PLCB1: variants seen among roughly 807,000 people sequenced by gnomAD.
PLCB1 encodes phospholipase C beta 1, also known as 1-phosphatidylinositol 4,5-bisphosphate phosphodiesterase beta-1.
In PLCB1, 46 loss-of-function variants were observed where a neutral mutation model predicts 161.8. The ratio of observed to expected loss-of-function variants is 0.28; its 90% CI spans 0.22 to 0.36. The LOEUF (loss-of-function observed/expected upper bound fraction) is 0.36, where lower values mean the gene tolerates loss of function less well. PLCB1 is among the 10% of genes least tolerant of loss of function. The probability of loss-of-function intolerance (pLI) is 1.00; values close to 1 mark genes in which losing one functional copy is unlikely to be tolerated. For synonymous variants in PLCB1, 517 were observed against 503.7 expected (o/e 1.03, Z -0.35); for missense variants, 1,016 against 1,472.5 (o/e 0.69, Z 5.07).
chr20:8,391,131 AGATT>A (rs1568658641), intron 3 of PLCB1, among the ~76,000 whole-genome samples: 1 of 152,060 alleles, frequency 6.6e-6, no homozygotes, highest in Non-Finnish European at 1.5e-5. Context: ...GCACTAATAT[AGATT>A]GTCACTATAA....
At chr20:8,463,668 A>T (rs1407027123) in intron 3 of PLCB1, among the ~76,000 whole-genome samples, 1 of 152,158 alleles carries the variant, frequency 6.6e-6, no homozygotes, top group South Asian at 2.1e-4. Flanking sequence ...GCTTGAAATT[A>T]TATACTTCAC....
intron 2 of PLCB1, among the ~76,000 whole-genome samples, chr20:8,332,692 C>A (rs180799249): frequency 6.6e-6 from 1 of 152,186 alleles, no homozygotes; most frequent in Non-Finnish European, 1.5e-5. Flanking sequence ...CTTATAACTG[C>A]TACATTGTCC....
At chr20:8,164,831 T>C (rs992188048) in intron 2 of PLCB1, among the ~76,000 whole-genome samples, 1 of 152,220 alleles carries the variant, frequency 6.6e-6, no homozygotes, top group Non-Finnish European at 1.5e-5. Context: ...TCATTTGAGA[T>C]ACCAGATCAG....
chr20:8,222,129 T>C (rs1367528152), intron 2 of PLCB1, among the ~76,000 whole-genome samples: 1 of 152,166 alleles, frequency 6.6e-6, no homozygotes, highest in Admixed American at 6.5e-5. Flanking sequence ...AATGCTAATA[T>C]ATATTTTAAA....
At chr20:8,381,867 T>C (rs1285194791) in intron 3 of PLCB1, among the ~76,000 whole-genome samples, 1 of 152,046 alleles carries the variant, frequency 6.6e-6, no homozygotes, top group Admixed American at 6.6e-5. Flanking sequence ...GCAGTCTATC[T>C]ATTTTGTTAA....
chr20:8,311,691 G>A (rs138048726), intron 2 of PLCB1, among the ~76,000 whole-genome samples: 12 of 152,228 alleles, frequency 7.9e-5, no homozygotes, highest in Non-Finnish European at 1.5e-4. Flanking sequence ...TCATAACTCC[G>A]GAGTGATCTT....
chr20:8,804,975 T>TGG (rs1984458502), intron 31 of PLCB1, among the ~76,000 whole-genome samples: 1 of 117,698 alleles, frequency 8.5e-6, no homozygotes, highest in South Asian at 2.8e-4. Flanking sequence ...CACTCCAGCC[T>TGG]GGGCAACAAG....
intron 2 of PLCB1, among the ~76,000 whole-genome samples, chr20:8,336,807 A>C (rs1985597766): frequency 6.6e-6 from 1 of 151,996 alleles, no homozygotes; most frequent in African/African-American, 2.4e-5. Context: ...TAGGTGTTTC[A>C]TTTACTGTCT....
intron 2 of PLCB1, among the ~76,000 whole-genome samples, chr20:8,193,410 T>TA (rs912675402): frequency 5.3e-5 from 8 of 151,696 alleles, no homozygotes; most frequent in African/African-American, 2.4e-5. Context: ...AAAAAATTTT[T>TA]AAAAAAAAAG....
intron 3 of PLCB1, among the ~76,000 whole-genome samples, chr20:8,454,533 G>T (rs1461156527): frequency 1.3e-5 from 2 of 152,180 alleles, no homozygotes; most frequent in Admixed American, 6.5e-5. Flanking sequence ...AGATGAAGCT[G>T]ACTGAATTTG....
At chr20:8,478,745 T>C (rs1228038255) in intron 3 of PLCB1, among the ~76,000 whole-genome samples, 4 of 152,164 alleles carry the variant, frequency 2.6e-5, no homozygotes, top group East Asian at 1.9e-4. Flanking sequence ...TGGTGCTTTT[T>C]TGTAATTTTT....
chr20:8,634,116 G>T (rs913366808), intron 4 of PLCB1, among the ~76,000 whole-genome samples: 3 of 152,194 alleles, frequency 2.0e-5, no homozygotes, highest in Non-Finnish European at 4.4e-5. Context: ...ACTGGTCATA[G>T]ATCTTTGTGT....
chr20:8,213,106 A>G (rs989611492), intron 2 of PLCB1, among the ~76,000 whole-genome samples: 1 of 152,142 alleles, frequency 6.6e-6, no homozygotes, highest in African/African-American at 2.4e-5. Context: ...CTTGATGGTG[A>G]CAAAAAGTGT....
At chr20:8,555,327 A>T (rs1856379857) in intron 3 of PLCB1, among the ~76,000 whole-genome samples, 1 of 152,052 alleles carries the variant, frequency 6.6e-6, no homozygotes, top group African/African-American at 2.4e-5. Flanking sequence ...GGAGCTTTGA[A>T]GTGAAAGAGG....
At chr20:8,854,761 G>A (rs894086105) in intron 31 of PLCB1, among the ~76,000 whole-genome samples, 3 of 152,202 alleles carry the variant, frequency 2.0e-5, no homozygotes, top group South Asian at 4.1e-4. Flanking sequence ...CCACGCTGGC[G>A]AACGACAAAC....
intron 31 of PLCB1, among the ~76,000 whole-genome samples, chr20:8,846,435 G>T (rs905302837): frequency 6.6e-6 from 1 of 152,000 alleles, no homozygotes; most frequent in Non-Finnish European, 1.5e-5. Flanking sequence ...CTACTACTCA[G>T]GGATCCTCAA....
chr20:8,356,005 G>C (rs1986352274), intron 2 of PLCB1, among the ~76,000 whole-genome samples: 1 of 152,042 alleles, frequency 6.6e-6, no homozygotes, highest in Non-Finnish European at 1.5e-5. Context: ...CTGCAGAATA[G>C]ATATGGTATA....
intron 3 of PLCB1, among the ~76,000 whole-genome samples, chr20:8,511,646 A>G (rs897446050): frequency 3.9e-5 from 6 of 152,288 alleles, no homozygotes; most frequent in African/African-American, 1.4e-4. Flanking sequence ...CCAACTGTGT[A>G]CAGGGGTTCC....
At chr20:8,402,887 T>C (rs1978625591) in intron 3 of PLCB1, among the ~76,000 whole-genome samples, 1 of 152,070 alleles carries the variant, frequency 6.6e-6, no homozygotes, top group Non-Finnish European at 1.5e-5. Context: ...TCATTTGATT[T>C]TTTTCATTTT....
Sources: allele counts gnomAD v4.1 joint callset (sites outside exome capture counted in the v4.1 genomes callset), GRCh38; gene constraint gnomAD v4.1.1; transcripts MANE v1.5; gene names NCBI Gene and HGNC (gene_info 2026-07-23, HGNC 2026-07-21).